The following ESF1 variants were observed in gnomAD, a reference collection of about 807,000 sequenced individuals.
The protein encoded by ESF1 is ESF1 nucleolar pre-rRNA processing protein.
In ESF1, 58 loss-of-function variants were observed where a neutral mutation model predicts 92.0. That is an observed-to-expected ratio of 0.63 (90% CI 0.51 to 0.78). The LOEUF (loss-of-function observed/expected upper bound fraction) is 0.78. ESF1 is among the 30% of genes least tolerant of loss of function. ESF1 has a pLI of 0.00. For synonymous variants in ESF1, 321 were observed against 313.7 expected (o/e 1.02, Z -0.24); for missense variants, 922 against 989.1 (o/e 0.93, Z 0.91).
chr20:13,769,560 G>A (rs1055721973), intron 7 of ESF1, among the ~76,000 whole-genome samples: 12 of 152,112 alleles, frequency 7.9e-5, no homozygotes, highest in Admixed American at 2.6e-4. Context: ...AAGCCAAGGC[G>A]GCCTCACTTG....
intron 1 of ESF1, among the ~76,000 whole-genome samples, chr20:13,783,548 T>C (rs966934485): frequency 2.0e-5 from 3 of 152,214 alleles, no homozygotes; most frequent in African/African-American, 7.2e-5. Context: ...TAAGATTCCC[T>C]AGGCCGAGTG....
At chr20:13,749,324 G>A (rs1314875250) in intron 9 of ESF1, among the ~76,000 whole-genome samples, 2 of 148,660 alleles carry the variant, frequency 1.3e-5, no homozygotes, top group Non-Finnish European at 3.0e-5. Flanking sequence ...CAAAGCACTG[G>A]GATTACAGGC....
At chr20:13,733,603 A>G (rs756047543) in intron 10 of ESF1, 118 bp downstream of exon 10, 5 of 1,065,058 alleles carry the variant, frequency 4.7e-6, no homozygotes, top group Non-Finnish European at 6.5e-6. Flanking sequence ...AATTGGGATG[A>G]TAACAAGGCC....
At chr20:13,770,219 T>C (rs1979622541) in intron 6 of ESF1, among the ~76,000 whole-genome samples, 198 bp from the exon 7 acceptor site, 1 of 152,208 alleles carries the variant, frequency 6.6e-6, no homozygotes, top group Admixed American at 6.5e-5. Context: ...TCATAAGCTA[T>C]AACTCTGTAA....
At chr20:13,729,567 A>C (rs917813894) in intron 10 of ESF1, among the ~76,000 whole-genome samples, 1 of 152,254 alleles carries the variant, frequency 6.6e-6, no homozygotes, top group Admixed American at 6.5e-5. Context: ...CTGAAAAATG[A>C]TAGTGACTGA....
chr20:13,721,968 T>C (rs2049871055), intron 11 of ESF1, among the ~76,000 whole-genome samples: 2 of 152,192 alleles, frequency 1.3e-5, no homozygotes, highest in South Asian at 4.1e-4. Flanking sequence ...GCTTAGGGTA[T>C]GAACCCCCCA....
At chr20:13,743,399 A>G (rs936545493) in intron 9 of ESF1, among the ~76,000 whole-genome samples, 5 of 152,200 alleles carry the variant, frequency 3.3e-5, no homozygotes, top group African/African-American at 1.2e-4. Flanking sequence ...AAGGAAATGA[A>G]ATCAGTATCT....
intron 10 of ESF1, among the ~76,000 whole-genome samples, chr20:13,731,497 A>T (rs1167177046): frequency 7.2e-6 from 1 of 139,316 alleles, no homozygotes; most frequent in Non-Finnish European, 1.5e-5. Flanking sequence ...AGGCCACTGG[A>T]CTCCAGCCTG....
intron 7 of ESF1, 90 bp from the exon 8 acceptor site, chr20:13,767,014 T>A (rs1979459812): frequency 7.9e-7 from 1 of 1,263,786 alleles, no homozygotes; most frequent in Non-Finnish European, 1.1e-6. Flanking sequence ...ACCTGGATGT[T>A]TAACAGTAAG....
chr20:13,780,219 T>C (rs1255452856), intron 2 of ESF1, among the ~76,000 whole-genome samples: 1 of 152,200 alleles, frequency 6.6e-6, no homozygotes, highest in African/African-American at 2.4e-5. Context: ...ACTTTAATCT[T>C]GTTCGCTGAT....
At position 13,769,896 on chromosome 20, in the gene ESF1, TAAAG is replaced by T. The variant is rs1250556299; in HGVS notation, c.1518+7_1518+10del. The T allele has an allele frequency of 1.3e-6, 2 of 1,554,652 alleles. No individual in the cohort carries two copies. Among genetic ancestry groups the T allele is most frequent in the Non-Finnish European group, 1.8e-6 (2 of 1,128,298 alleles). Reference sequence around the variant, plus strand: ...GAGTCCAGCTACATATTTTTTAAAGTAAAGAAATACCGTTGATGTTCCCATTGCA... The same window carrying T: ...GAGTCCAGCTACATATTTTTTAAAGTAAATACCGTTGATGTTCCCATTGCA... On this transcript the variant is annotated splice_region_variant and intron_variant, in intron 7 of 13. Coordinates refer to ENST00000617257, the MANE Select transcript of ESF1 (RefSeq NM_001276380.2).
chr20:13,755,571 T>C (rs1978855739), intron 9 of ESF1, among the ~76,000 whole-genome samples: 1 of 152,222 alleles, frequency 6.6e-6, no homozygotes, highest in East Asian at 1.9e-4. Flanking sequence ...AGGATACCTT[T>C]AGCAACGCAT....
intron 8 of ESF1, among the ~76,000 whole-genome samples, chr20:13,760,202 C>T (rs1979098472): frequency 6.6e-6 from 1 of 152,212 alleles, no homozygotes; most frequent in African/African-American, 2.4e-5. Context: ...AGGAGCGTCT[C>T]TGCCTGGCCG....
intron 8 of ESF1, among the ~76,000 whole-genome samples, chr20:13,760,374 C>T (rs905590432): frequency 7.4e-5 from 11 of 149,480 alleles, no homozygotes; most frequent in African/African-American, 1.5e-4. Context: ...GGCCGCCCAT[C>T]GTCTGAGATG....
intron 9 of ESF1, among the ~76,000 whole-genome samples, chr20:13,737,114 A>C (rs2049980426): frequency 6.6e-6 from 1 of 152,224 alleles, no homozygotes; most frequent in Non-Finnish European, 1.5e-5. Flanking sequence ...CCACTATGTG[A>C]CTGAAAAACA....
intron 9 of ESF1, among the ~76,000 whole-genome samples, chr20:13,752,270 A>G (rs1193893504): frequency 2.0e-5 from 3 of 152,192 alleles, no homozygotes; most frequent in Non-Finnish European, 4.4e-5. Context: ...TCAAGGAAGG[A>G]GCTCACGCTT....
intron 2 of ESF1, among the ~76,000 whole-genome samples, chr20:13,777,352 A>ATGGAAAGATGAAAAGGGAACAC (rs1225768005): frequency 2.6e-5 from 4 of 152,212 alleles, no homozygotes; most frequent in African/African-American, 9.7e-5. Flanking sequence ...AGCTAAGAAG[A>ATGGAAAGATGAAAAGGGAACAC]TGGAAAGATG....
At chr20:13,758,871 A>G (rs775272278) in intron 9 of ESF1, among the ~76,000 whole-genome samples, 13 of 152,230 alleles carry the variant, frequency 8.5e-5, no homozygotes, top group Non-Finnish European at 1.9e-4. Context: ...AGGAGGATAC[A>G]TTCCAGGACC....
intron 10 of ESF1, 142 bp from the exon 11 acceptor site, chr20:13,728,607 C>G (rs1275427861): frequency 2.9e-6 from 2 of 679,706 alleles, no homozygotes; most frequent in East Asian, 5.9e-5. Context: ...TGGCTCACGC[C>G]TGTAATCTGA....
Sources: gnomAD v4.1 joint callset for allele counts (sites outside exome capture counted in the v4.1 genomes callset) on GRCh38, gnomAD v4.1.1 for gene constraint, MANE v1.5 for transcripts, NCBI Gene and HGNC (gene_info 2026-07-23, HGNC 2026-07-21) for gene names.